The following COL23A1 variants were observed in gnomAD, a reference collection of about 807,000 sequenced individuals.
The protein encoded by COL23A1 is collagen type XXIII alpha 1 chain, also known as collagen alpha-1(XXIII) chain.
Under a neutral mutation model 99.3 loss-of-function variants are expected in COL23A1, and 97 were observed. The observed-to-expected ratio is 0.98, with a 90% CI of 0.83 to 1.16. COL23A1 has a LOEUF of 1.16. Ranked by LOEUF, COL23A1 falls within the 50% of genes most tolerant of loss-of-function variation. The pLI, the probability that COL23A1 is intolerant of heterozygous loss-of-function variation, is 0.00. For synonymous variants in COL23A1, 320 were observed against 308.2 expected, an observed-to-expected ratio of 1.04 and a Z score of -0.40; for missense variants, 762 against 757.4, an observed-to-expected ratio of 1.01 and a Z score of -0.07.
intron 1 of COL23A1, among the ~76,000 whole-genome samples, chr5:178,577,374 C>T (rs1217271633): frequency 6.6e-6 from 1 of 152,232 alleles, no homozygotes; most frequent in East Asian, 1.9e-4. Context: ...CTTTAAAGAC[C>T]CCATCCCCAA....
At chr5:178,333,616 C>T (rs948599781) in intron 2 of COL23A1, among the ~76,000 whole-genome samples, 6 of 152,140 alleles carry the variant, frequency 3.9e-5, no homozygotes, top group East Asian at 1.9e-4. Context: ...AGTCTTGAGG[C>T]GCCCACAGTC....
chr5:178,391,001 G>A (rs1763935234), intron 2 of COL23A1, among the ~76,000 whole-genome samples: 1 of 152,248 alleles, frequency 6.6e-6, no homozygotes, highest in Non-Finnish European at 1.5e-5. Flanking sequence ...GGACCAGTTT[G>A]TGGCCTGTTA....
chr5:178,528,862 G>A (rs1332727167), intron 2 of COL23A1, among the ~76,000 whole-genome samples: 1 of 152,218 alleles, frequency 6.6e-6, no homozygotes, highest in Non-Finnish European at 1.5e-5. Context: ...CCGAAATGAA[G>A]GGAAGAGGTG....
Position 178,256,336 on chromosome 5 carries a change from G to A in COL23A1, c.882+17C>T. On this transcript the variant is annotated intron_variant, in intron 15 of 28. Transcript: ENST00000390654. ...AGATCTCATCCCTGAGGCCTCGCCT[G>A]AGGGGCGGCAGCTTACCCGGGGCCC... 1.3e-6 allele frequency: 2 copies of A among 1,591,958 alleles called. No individual in the cohort carries two copies. The highest frequency in any genetic ancestry group is 2.3e-5 in the South Asian group (2 of 88,342).
intron 2 of COL23A1, among the ~76,000 whole-genome samples, chr5:178,403,980 C>G (rs1054330498): frequency 6.6e-6 from 1 of 152,188 alleles, no homozygotes; most frequent in East Asian, 1.9e-4. Context: ...AAGAGAAGTT[C>G]AAAGGATCTT....
At chr5:178,402,462 CAGTT>C (rs1296156334) in intron 2 of COL23A1, among the ~76,000 whole-genome samples, 5 of 151,896 alleles carry the variant, frequency 3.3e-5, no homozygotes, top group African/African-American at 7.3e-5. Flanking sequence ...CACAAAGAGA[CAGTT>C]AGAATAAATA....
chr5:178,256,893 G>A lies in COL23A1; in HGVS notation c.810C>T (p.Asn270=), dbSNP rs200801407. ...TCGGTCCTGGGGCACCGTCCACACC[G>A]TTCTCTCCCCGAGGCCCCATGCTCC... ...EPGSMGPRGE[N]GVDGAPGPKG... is the part of the protein sequence containing the mutation. Residue 270 remains asparagine, a synonymous_variant, in exon 14 of 29, where the codon AAC becomes AAT. Transcript: ENST00000390654. 7.7e-5 allele frequency: 125 copies of A among 1,613,388 alleles called. No homozygotes were observed. Among genetic ancestry groups the A allele is most frequent in the Non-Finnish European group, 9.7e-5 (114 of 1,179,824 alleles).
At chr5:178,377,232 G>A (rs763571667) in intron 2 of COL23A1, among the ~76,000 whole-genome samples, 4 of 152,226 alleles carry the variant, frequency 2.6e-5, no homozygotes, top group East Asian at 3.9e-4. Context: ...CTCCCGTAAC[G>A]GGCTGGTGTT....
chr5:178,484,896 A>G (rs1757533168), intron 2 of COL23A1, among the ~76,000 whole-genome samples: 1 of 151,564 alleles, frequency 6.6e-6, no homozygotes, highest in Non-Finnish European at 1.5e-5. Context: ...ATAAAAGCCC[A>G]TATTTGTAAA....
intron 3 of COL23A1, among the ~76,000 whole-genome samples, chr5:178,301,886 T>C (rs1034804708): frequency 3.4e-5 from 5 of 147,858 alleles, no homozygotes; most frequent in African/African-American, 1.3e-4. Flanking sequence ...ACAGCTTCAA[T>C]CCACCTCTGT....
intron 13 of COL23A1, 52 bp downstream of exon 13, chr5:178,257,471 G>A: frequency 6.5e-7 from 1 of 1,547,216 alleles, no homozygotes. Flanking sequence ...AGGTAGATGG[G>A]AACCATGGGA....
rs1764171670 is a variant in COL23A1 at position 178,589,768 on chromosome 5, G to A, written c.294+136C>T. On this transcript the variant is annotated intron_variant, in intron 1 of 28. Transcript: ENST00000390654. This position sits in a 1 kb window ranked among gnomAD's most constrained non-coding sequence, Gnocchi z 5.4. ...CCTTGGCGCAGACGTGCCCATCTCT[G>A]GGACGGCCCCGAGCGCACGCAGCCG... 1.1e-6 allele frequency: 1 copy of A among 896,422 alleles called. No homozygotes were observed. The allele number at this position is 896,422 out of a possible 1,614,324, so 55.5% of individuals were successfully genotyped here.
chr5:178,357,282 A>G (rs1173413795), intron 2 of COL23A1, among the ~76,000 whole-genome samples: 1 of 152,102 alleles, frequency 6.6e-6, no homozygotes, highest in African/African-American at 2.4e-5. Context: ...CCCTTCTCAC[A>G]GGCTTCTGGT....
At chr5:178,459,270 T>C (rs1206500202) in intron 2 of COL23A1, among the ~76,000 whole-genome samples, 1 of 152,210 alleles carries the variant, frequency 6.6e-6, no homozygotes, top group African/African-American at 2.4e-5. Context: ...GACTTTTAAA[T>C]ATTTATACTA....
chr5:178,299,802 G>A (rs917773015), intron 3 of COL23A1, among the ~76,000 whole-genome samples: 2 of 152,042 alleles, frequency 1.3e-5, no homozygotes, highest in Non-Finnish European at 2.9e-5. Flanking sequence ...CACCCAGGCT[G>A]GAGTGCAGTG....
intron 2 of COL23A1, among the ~76,000 whole-genome samples, chr5:178,552,841 G>A (rs1009655347): frequency 1.3e-5 from 2 of 151,954 alleles, no homozygotes; most frequent in African/African-American, 4.8e-5. Flanking sequence ...AGTCTCCTGA[G>A]TAGCTGGGAC....
intron 2 of COL23A1, among the ~76,000 whole-genome samples, chr5:178,393,072 G>C (rs1442880986): frequency 6.6e-6 from 1 of 152,228 alleles, no homozygotes; most frequent in East Asian, 1.9e-4. Flanking sequence ...AGCAGCTCAA[G>C]CTCAGGCCTT....
At chr5:178,301,693 T>A (rs1468436117) in intron 3 of COL23A1, among the ~76,000 whole-genome samples, 1 of 152,264 alleles carries the variant, frequency 6.6e-6, no homozygotes, top group East Asian at 1.9e-4. Context: ...CTTGTTTAGC[T>A]TAGTGGTCAG....
chr5:178,345,213 G>C, intron 2 of COL23A1: 1 of 861,836 alleles, frequency 1.2e-6, no homozygotes, highest in Non-Finnish European at 1.9e-6. Context: ...TGCGGGGTTA[G>C]AGATGTTCTT....
Sources: gnomAD v4.1 joint callset for allele counts (sites outside exome capture counted in the v4.1 genomes callset) on GRCh38, gnomAD v4.1.1 for gene constraint, Gnocchi (gnomAD v3.1) non-coding constraint, MANE v1.5 for transcripts, NCBI Gene and HGNC (gene_info 2026-07-23, HGNC 2026-07-21) for gene names.